Variants in FHIT observed in about 807,000 individuals in gnomAD.
FHIT encodes fragile histidine triad diadenosine triphosphatase.
FHIT carries 19 observed loss-of-function variants against 17.9 expected under a neutral mutation model. The ratio of observed to expected loss-of-function variants is 1.06; its 90% confidence interval spans 0.74 to 1.56. The LOEUF is 1.56. Among genes scored for constraint, FHIT ranks in the 40% most tolerant of loss-of-function variants. The probability of loss-of-function intolerance (pLI) is 0.00; values close to 1 mark genes in which losing one functional copy is unlikely to be tolerated. For missense variants in FHIT, 248 were observed against 189.2 expected (o/e 1.31, Z -1.82); for synonymous variants, 81 against 69.7 (o/e 1.16, Z -0.81).
chr3:60,722,275 C>T (rs1241548316), intron 4 of FHIT, among the ~76,000 whole-genome samples: 2 of 152,168 alleles, frequency 1.3e-5, no homozygotes, highest in Non-Finnish European at 2.9e-5. Context: ...CTTACAGCAT[C>T]CTTTACTAGT....
At position 61,242,636 on chromosome 3, in the gene FHIT, G is replaced by C. The variant is rs1463896678; in HGVS notation, c.-213+8665C>G. On this transcript the variant is annotated intron_variant, in intron 1 of 9. Coordinates refer to ENST00000492590, the MANE Select transcript of FHIT (RefSeq NM_002012.4). Reference sequence around the variant, plus strand: ...GCAGAGCCGGCTGAACAGGAGACCAGAGTTTTATTATTACTGAGATCAGTC... The same window carrying C: ...GCAGAGCCGGCTGAACAGGAGACCACAGTTTTATTATTACTGAGATCAGTC... Among the ~76,000 whole-genome samples the C allele has an allele frequency of 2.6e-5, 4 of 152,296 alleles. No homozygotes were observed. In the East Asian group the frequency reaches 7.7e-4, roughly 29 times the overall value.
chr3:59,846,324 G>T (rs1434458956), intron 8 of FHIT, among the ~76,000 whole-genome samples: 1 of 152,024 alleles, frequency 6.6e-6, no homozygotes, highest in African/African-American at 2.4e-5. Context: ...TTATTACACT[G>T]TAATTTGAAT....
intron 3 of FHIT, among the ~76,000 whole-genome samples, chr3:60,992,267 G>C (rs1348658839): frequency 6.6e-6 from 1 of 152,202 alleles, no homozygotes; most frequent in Non-Finnish European, 1.5e-5. Flanking sequence ...GCCTGCCAGG[G>C]TGCTGAAAAG....
chr3:60,638,845 T>C (rs1417723286), intron 4 of FHIT, among the ~76,000 whole-genome samples: 1 of 151,682 alleles, frequency 6.6e-6, no homozygotes. Context: ...GCATATCTTC[T>C]CAACAAACAA....
intron 4 of FHIT, among the ~76,000 whole-genome samples, chr3:60,749,321 C>G (rs550357743): frequency 2.0e-5 from 3 of 152,114 alleles, no homozygotes; most frequent in South Asian, 2.1e-4. Flanking sequence ...TTTTCCGCAT[C>G]TGTTGAATCC....
At chr3:60,311,554 C>T (rs1161385455) in intron 5 of FHIT, among the ~76,000 whole-genome samples, 1 of 152,166 alleles carries the variant, frequency 6.6e-6, no homozygotes, top group Non-Finnish European at 1.5e-5. Context: ...AAGAATCTAG[C>T]TCATTATATT....
intron 2 of FHIT, among the ~76,000 whole-genome samples, chr3:61,156,749 T>C (rs112218822): frequency 7.2e-4 from 110 of 152,328 alleles, no homozygotes; most frequent in African/African-American, 2.6e-3. Flanking sequence ...ATTAACATCT[T>C]TCTGTAATTA....
In FHIT at chr3:60,170,999, A is replaced by T. The variant is rs1254650512; in HGVS notation, c.104-156847T>A. ...ACTTATTGGGGAGAACTGGAGGCCT[A>T]GGAAAAAGAAAAGGCCCAACTTTCT... On this transcript the variant is annotated intron_variant, in intron 5 of 9. Coordinates refer to ENST00000492590, the MANE Select transcript of FHIT (RefSeq NM_002012.4). Among the ~76,000 whole-genome samples the T allele has an allele frequency of 6.6e-5, 10 of 152,322 alleles. No homozygotes were observed. The South Asian group carries it at 2.1e-3, about 32-fold the overall frequency.
At chr3:60,652,176 C>T (rs2040005469) in intron 4 of FHIT, among the ~76,000 whole-genome samples, 1 of 152,172 alleles carries the variant, frequency 6.6e-6, no homozygotes. Context: ...GGGTTAATTA[C>T]AGGCCAGGCT....
intron 3 of FHIT, among the ~76,000 whole-genome samples, chr3:60,883,394 C>A (rs1031337309): frequency 6.6e-6 from 1 of 151,978 alleles, no homozygotes; most frequent in South Asian, 2.1e-4. Flanking sequence ...CCACTGAAGA[C>A]CCCAAATAGC....
intron 3 of FHIT, among the ~76,000 whole-genome samples, chr3:60,929,722 C>T (rs1707845960): frequency 1.3e-5 from 2 of 152,166 alleles, no homozygotes; most frequent in South Asian, 4.1e-4. Flanking sequence ...ACGATACAAA[C>T]AAATGGAAGA....
intron 8 of FHIT, among the ~76,000 whole-genome samples, chr3:59,792,277 G>A (rs67367323): frequency 0.45 from 68,528 of 152,088 alleles, 16,731 homozygotes; most frequent in East Asian, 0.67. Context: ...CTACCTAGAA[G>A]AGAATGTCTT....
chr3:60,551,904 G>A (rs1001143791), intron 4 of FHIT, among the ~76,000 whole-genome samples: 2 of 151,938 alleles, frequency 1.3e-5, no homozygotes, highest in Middle Eastern at 3.4e-3. Context: ...CAGTATGTGT[G>A]CAAAATTGTA....
At chr3:60,306,592 A>G (rs1211627769) in intron 5 of FHIT, among the ~76,000 whole-genome samples, 1 of 152,130 alleles carries the variant, frequency 6.6e-6, no homozygotes, top group Non-Finnish European at 1.5e-5. Flanking sequence ...CGTCATTTCC[A>G]TCAGGAACAA....
At chr3:59,820,762 G>A (rs1455106544) in intron 8 of FHIT, among the ~76,000 whole-genome samples, 1 of 152,184 alleles carries the variant, frequency 6.6e-6, no homozygotes, top group East Asian at 1.9e-4. Context: ...GGTGGGGAAG[G>A]AAGACAATTT....
chr3:60,172,438 T>C (rs1326492325), intron 5 of FHIT, among the ~76,000 whole-genome samples: 4 of 148,544 alleles, frequency 2.7e-5, no homozygotes, highest in African/African-American at 1.0e-4. Flanking sequence ...GCTAATTTTG[T>C]ATTTTTTTTT....
At chr3:60,448,795 T>C (rs1478345272) in intron 5 of FHIT, among the ~76,000 whole-genome samples, 1 of 152,160 alleles carries the variant, frequency 6.6e-6, no homozygotes, top group Non-Finnish European at 1.5e-5. Flanking sequence ...CCATGATTCT[T>C]CCCTACTACA....
At chr3:60,859,609 G>T (rs2106952129) in intron 3 of FHIT, among the ~76,000 whole-genome samples, 1 of 151,538 alleles carries the variant, frequency 6.6e-6, no homozygotes, top group South Asian at 2.1e-4. Context: ...CAGGCACCCT[G>T]AAGGCTACTT....
chr3:60,955,238 A>C (rs1157449766), intron 3 of FHIT, among the ~76,000 whole-genome samples: 2 of 152,136 alleles, frequency 1.3e-5, no homozygotes, highest in African/African-American at 4.8e-5. Context: ...AAAAGGAAGG[A>C]ACTACGGCCA....
Sources: allele counts gnomAD v4.1 joint callset (sites outside exome capture counted in the v4.1 genomes callset), GRCh38; gene constraint gnomAD v4.1.1; transcripts MANE v1.5; gene names NCBI Gene and HGNC (gene_info 2026-07-23, HGNC 2026-07-21).